UBE2H: variants seen among roughly 807,000 people sequenced by gnomAD.
UBE2H encodes ubiquitin conjugating enzyme E2 H, also known as ubiquitin-conjugating enzyme E2 H.
UBE2H carries 3 observed loss-of-function variants against 29.0 expected under a neutral mutation model. The observed-to-expected ratio is 0.10, with a 90% CI of 0.05 to 0.27. The LOEUF is 0.27. UBE2H is among the 10% of genes least tolerant of loss of function. The pLI, the probability that UBE2H is intolerant of heterozygous loss-of-function variation, is 1.00. For missense variants in UBE2H, 68 were observed against 228.2 expected, an observed-to-expected ratio of 0.30 and a Z score of 4.52; for synonymous variants, 69 against 82.9, an observed-to-expected ratio of 0.83 and a Z score of 0.91.
At chr7:129,837,454 AG>A (rs537468410) in intron 6 of UBE2H, among the ~76,000 whole-genome samples, 6 of 152,064 alleles carry the variant, frequency 3.9e-5, no homozygotes, top group African/African-American at 1.4e-4. Context: ...TAAGCAGAGG[AG>A]GGGAAAAAAA....
intron 5 of UBE2H, among the ~76,000 whole-genome samples, chr7:129,849,055 A>G (rs1458270407): frequency 6.6e-6 from 1 of 152,160 alleles, no homozygotes; most frequent in Non-Finnish European, 1.5e-5. Context: ...TGCAGTCTGT[A>G]AACATTAAAA....
intron 3 of UBE2H, among the ~76,000 whole-genome samples, chr7:129,876,188 G>C (rs1391208495): frequency 6.6e-6 from 1 of 152,096 alleles, no homozygotes; most frequent in African/African-American, 2.4e-5. Flanking sequence ...TAATACACTG[G>C]TCATATCAAA....
chr7:129,949,825 A>G (rs1041115702), intron 1 of UBE2H, among the ~76,000 whole-genome samples: 2 of 152,188 alleles, frequency 1.3e-5, no homozygotes, highest in Non-Finnish European at 2.9e-5. Context: ...AATTACGCTC[A>G]GGAGACATCC....
chr7:129,842,105 C>T (rs1805439402), intron 5 of UBE2H, among the ~76,000 whole-genome samples: 1 of 152,208 alleles, frequency 6.6e-6, no homozygotes, highest in Non-Finnish European at 1.5e-5. Context: ...AGATGTGTAA[C>T]TTCTACTTTT....
At chr7:129,926,240 T>G (rs938313145) in intron 1 of UBE2H, among the ~76,000 whole-genome samples, 1 of 151,586 alleles carries the variant, frequency 6.6e-6, no homozygotes, top group Admixed American at 6.6e-5. Flanking sequence ...CCCGGCACAG[T>G]GGCTCATGCC....
At chr7:129,906,931 A>G (rs958176990) in intron 1 of UBE2H, among the ~76,000 whole-genome samples, 1 of 152,230 alleles carries the variant, frequency 6.6e-6, no homozygotes, top group Non-Finnish European at 1.5e-5. Flanking sequence ...AAAATCTCCA[A>G]TGTGCACTTT....
intron 1 of UBE2H, among the ~76,000 whole-genome samples, chr7:129,933,470 T>C (rs528027032): frequency 6.6e-6 from 1 of 152,346 alleles, no homozygotes; most frequent in East Asian, 1.9e-4. Flanking sequence ...CTTTCCCCAA[T>C]GCACAACCTT....
At chr7:129,905,965 C>CAA (rs199883685) in intron 1 of UBE2H, among the ~76,000 whole-genome samples, 1 of 141,586 alleles carries the variant, frequency 7.1e-6, no homozygotes, top group African/African-American at 2.6e-5. Flanking sequence ...ACACTGTCTC[C>CAA]AAAAAAAAAA....
intron 1 of UBE2H, among the ~76,000 whole-genome samples, chr7:129,899,223 C>G (rs1273757082): frequency 6.7e-6 from 1 of 149,668 alleles, no homozygotes; most frequent in Non-Finnish European, 1.5e-5. Context: ...TTTCAAGTAT[C>G]TGTTTGCAAT....
At chr7:129,928,025 T>TAAA (rs71175049) in intron 1 of UBE2H, among the ~76,000 whole-genome samples, 105 of 128,512 alleles carry the variant, frequency 8.2e-4, no homozygotes, top group Non-Finnish European at 1.2e-3. Context: ...ATCTCAAAAT[T>TAAA]AAAAAAAAAA....
chr7:129,881,020 G>C (rs745458932), intron 1 of UBE2H, 49 bp from the exon 2 acceptor site: 2 of 1,551,032 alleles, frequency 1.3e-6, no homozygotes, highest in Admixed American at 3.8e-5. Context: ...GTATCTGGCA[G>C]AATTACCAAT....
chr7:129,887,680 T>TGTAATCCCAGCA (rs376637404), intron 1 of UBE2H, among the ~76,000 whole-genome samples: 1 of 150,632 alleles, frequency 6.6e-6, no homozygotes, highest in South Asian at 2.1e-4. Context: ...GGCTCACACC[T>TGTAATCCCAGCA]CCTGAGGTCG....
chr7:129,928,989 G>T (rs1436535511), intron 1 of UBE2H, among the ~76,000 whole-genome samples: 3 of 152,150 alleles, frequency 2.0e-5, no homozygotes, highest in African/African-American at 7.2e-5. Flanking sequence ...TGAGTGCACT[G>T]TCAATTGCCC....
At chr7:129,874,668 G>C (rs535408354) in intron 3 of UBE2H, among the ~76,000 whole-genome samples, 31 of 152,092 alleles carry the variant, frequency 2.0e-4, no homozygotes, top group African/African-American at 6.0e-4. Context: ...CTTATCAAAA[G>C]TATCCCCATT....
intron 1 of UBE2H, among the ~76,000 whole-genome samples, chr7:129,947,120 C>T (rs1807781048): frequency 6.6e-6 from 1 of 152,162 alleles, no homozygotes; most frequent in African/African-American, 2.4e-5. Context: ...ATCTGCGAAA[C>T]ATTTTTTCCC....
intron 1 of UBE2H, among the ~76,000 whole-genome samples, chr7:129,913,505 A>G (rs1806981961): frequency 6.6e-6 from 1 of 152,086 alleles, no homozygotes; most frequent in South Asian, 2.1e-4. Flanking sequence ...CTCCACCACC[A>G]CTGCCATCAT....
At chr7:129,879,128 A>C (rs1413793384) in intron 3 of UBE2H, among the ~76,000 whole-genome samples, 1 of 152,240 alleles carries the variant, frequency 6.6e-6, no homozygotes, top group Non-Finnish European at 1.5e-5. Context: ...GGGTCATTTA[A>C]TTGTAAGGTA....
At chr7:129,915,552 T>A (rs754744121) in intron 1 of UBE2H, among the ~76,000 whole-genome samples, 1 of 152,020 alleles carries the variant, frequency 6.6e-6, no homozygotes, top group Non-Finnish European at 1.5e-5. Context: ...AAATAAATAC[T>A]AAATACTACT....
At chr7:129,911,797 G>T (rs1806943682) in intron 1 of UBE2H, among the ~76,000 whole-genome samples, 1 of 151,976 alleles carries the variant, frequency 6.6e-6, no homozygotes, top group African/African-American at 2.4e-5. Flanking sequence ...GTGCCACCAT[G>T]CCTGGCTAAT....
Sources: allele counts gnomAD v4.1 joint callset (sites outside exome capture counted in the v4.1 genomes callset), GRCh38; gene constraint gnomAD v4.1.1; transcripts MANE v1.5; gene names NCBI Gene and HGNC (gene_info 2026-07-23, HGNC 2026-07-21).